CREBBP: variants seen among roughly 807,000 people sequenced by gnomAD.
CREBBP encodes CREB binding lysine acetyltransferase, also known as CREB-binding protein.
A neutral mutation model predicts 265.0 loss-of-function variants in CREBBP; 19 were observed. The observed-to-expected ratio is 0.07, with a 90% CI of 0.05 to 0.11. The LOEUF is 0.11. CREBBP is among the 10% of genes least tolerant of loss of function. The pLI, the probability that CREBBP is intolerant of heterozygous loss-of-function variation, is 1.00. For missense variants in CREBBP, 2,525 were observed against 3,219.0 expected (o/e 0.78, Z 5.22); for synonymous variants, 1,457 against 1,223.7 (o/e 1.19, Z -3.98).
chr16:3,787,070 C>CAAAAAAAAAAAAAAAAA lies in CREBBP; in HGVS notation c.1331-4145_1331-4144insTTTTTTTTTTTTTTTTT, dbSNP rs757962926. On this transcript the variant is annotated intron_variant, in intron 5 of 30. Transcript: ENST00000262367. Reference sequence around the variant, plus strand: ...TGGGCGACAGAGTGAGACTTCGTCTCAAAAAAAAAAAAAAAAGAATTTATT... The same window carrying CAAAAAAAAAAAAAAAAA: ...TGGGCGACAGAGTGAGACTTCGTCTCAAAAAAAAAAAAAAAAAAAAAAAAAAAAAAAAAGAATTTATT... 6.0e-4 allele frequency among the ~76,000 whole-genome samples: 52 copies of CAAAAAAAAAAAAAAAAA among 86,958 alleles called. 1 individual carries two copies. Among genetic ancestry groups the CAAAAAAAAAAAAAAAAA allele is most frequent in the African/African-American group, 1.5e-3 (37 of 23,928 alleles). 57.0% of individuals were successfully genotyped at this position (86,958 alleles called of 152,430 possible).
intron 1 of CREBBP, among the ~76,000 whole-genome samples, chr16:3,867,302 G>A (rs946582862): frequency 6.6e-6 from 1 of 152,160 alleles, no homozygotes; most frequent in African/African-American, 2.4e-5. Context: ...TTAAGCCTAG[G>A]CAACATAGCA....
intron 2 of CREBBP, among the ~76,000 whole-genome samples, chr16:3,833,342 G>A (rs1170120036): frequency 6.6e-6 from 1 of 152,248 alleles, no homozygotes; most frequent in Non-Finnish European, 1.5e-5. Flanking sequence ...AGCCCCAGAG[G>A]TGGAGGTTGC....
At chr16:3,852,056 A>C (rs959474327) in intron 1 of CREBBP, among the ~76,000 whole-genome samples, 4 of 138,942 alleles carry the variant, frequency 2.9e-5, no homozygotes, top group East Asian at 4.0e-4. Context: ...AAAAAAAAAA[A>C]AAAAAAAAAA....
At chr16:3,779,139 C>T (rs537532478) in intron 8 of CREBBP, among the ~76,000 whole-genome samples, 2 of 151,530 alleles carry the variant, frequency 1.3e-5, no homozygotes, top group South Asian at 2.1e-4. Context: ...TGCACTCCAG[C>T]CTGGGCGACA....
chr16:3,787,280 G>A (rs562491266), intron 5 of CREBBP, among the ~76,000 whole-genome samples: 1 of 152,218 alleles, frequency 6.6e-6, no homozygotes, highest in South Asian at 2.1e-4. Context: ...TATCAGGCAC[G>A]GCCACAAGCC....
At position 3,747,789 on chromosome 16, in the gene CREBBP, C is replaced by T. The variant is rs1257019177; in HGVS notation, c.3836+1838G>A. Among the ~76,000 whole-genome samples, 4 of 151,820 alleles carry T rather than the reference C, an allele frequency of 2.6e-5. No homozygotes were observed. In the East Asian group the frequency reaches 7.8e-4, roughly 29 times the overall value. ...CAGCCTGGTCAAGATGGTGAAACCT[C>T]GTCTCTACTAAAAATACAGGCTGGG... On this transcript the variant is annotated intron_variant, in intron 21 of 30. Transcript: ENST00000262367.
intron 2 of CREBBP, among the ~76,000 whole-genome samples, chr16:3,819,437 C>T (rs2054101325): frequency 6.6e-6 from 1 of 152,178 alleles, no homozygotes; most frequent in Non-Finnish European, 1.5e-5. Context: ...TCATTCTACA[C>T]TACATATGAT....
chr16:3,753,479 A>C (rs1056988812), intron 19 of CREBBP, among the ~76,000 whole-genome samples: 7 of 152,256 alleles, frequency 4.6e-5, no homozygotes, highest in Non-Finnish European at 8.8e-5. Context: ...ATTTGGCACT[A>C]ACTCAATTAA....
rs147426402 is a variant in CREBBP at position 3,795,578 on chromosome 16, T to C, written c.976-1952A>G. On this transcript the variant is annotated intron_variant, in intron 3 of 30. Coordinates refer to ENST00000262367, the MANE Select transcript of CREBBP (RefSeq NM_004380.3). ...TTTAACTTTATACTCATTTAACTAG[T>C]TCTTGTTATGGGGCATAAACTGGAA... Among the ~76,000 whole-genome samples, 231 of 152,300 alleles carry C rather than the reference T, an allele frequency of 1.5e-3. 1 individual carries two copies. Among genetic ancestry groups the C allele is most frequent in the African/African-American group, 5.4e-3 (226 of 41,556 alleles).
At chr16:3,751,545 T>C (rs578186352) in intron 20 of CREBBP, among the ~76,000 whole-genome samples, 181 bp downstream of exon 20, 18 of 152,188 alleles carry the variant, frequency 1.2e-4, no homozygotes, top group Non-Finnish European at 1.8e-4. Flanking sequence ...TGAGTCGAGA[T>C]AGTGCCACTG....
chr16:3,862,430 G>C (rs1401142838), intron 1 of CREBBP, among the ~76,000 whole-genome samples: 1 of 152,142 alleles, frequency 6.6e-6, no homozygotes, highest in African/African-American at 2.4e-5. Flanking sequence ...GCCCAGGCTG[G>C]AGTGCAGTGA....
At chr16:3,841,486 A>G (rs2054566180) in intron 2 of CREBBP, among the ~76,000 whole-genome samples, 1 of 152,088 alleles carries the variant, frequency 6.6e-6, no homozygotes, top group Admixed American at 6.6e-5. Flanking sequence ...AAAAAAATCA[A>G]AAAAATTAGC....
chr16:3,855,762 C>T (rs2054948363), intron 1 of CREBBP, among the ~76,000 whole-genome samples: 1 of 152,178 alleles, frequency 6.6e-6, no homozygotes, highest in Non-Finnish European at 1.5e-5. Context: ...GGTTCCAATC[C>T]ATAGTTTTTA....
rs768232855 is a variant in CREBBP at position 3,769,226 on chromosome 16, G to C, written c.3008C>G (p.Ala1003Gly). 12 of 1,614,016 alleles carry C rather than the reference G, an allele frequency of 7.4e-6. No homozygotes were observed. In the Admixed American group the frequency reaches 1.8e-4, roughly 25 times the overall value. ...ACCAGGATCGGGCTCAGTGTCCTCT[G>C]CTTGGGTCTCCGTCTTCATTTCCAG... ...PVLEMKTETQ[A>G]EDTEPDPGES... Residue 1003 changes from alanine (A) to glycine (G), a missense_variant, in exon 15 of 31, where the codon GCA (alanine) becomes GGA (glycine). Physicochemically the swap from Ala to Gly is moderately conservative, Grantham distance 60 (BLOSUM62 0). Around this residue, in one of 19 missense-constraint regions of CREBBP, gnomAD observed 548 missense variants for 533.0 expected, o/e 1.03. Coordinates refer to ENST00000262367, the MANE Select transcript of CREBBP (RefSeq NM_004380.3).
intron 8 of CREBBP, among the ~76,000 whole-genome samples, chr16:3,779,174 G>GAAA (rs776005629): frequency 1.3e-4 from 18 of 135,280 alleles, no homozygotes; most frequent in Middle Eastern, 3.4e-3. Flanking sequence ...ACCAAAAAAA[G>GAAA]AAGAAAAAAA....
At chr16:3,831,094 T>C (rs968568912) in intron 2 of CREBBP, among the ~76,000 whole-genome samples, 8 of 152,184 alleles carry the variant, frequency 5.3e-5, no homozygotes, top group African/African-American at 1.7e-4. Flanking sequence ...TTTTCAAGTA[T>C]AGATAGAATA....
rs560604046 is a variant in CREBBP, at chr16:3,769,140, C to T, written c.3060+34G>A. On this transcript the variant is annotated intron_variant, in intron 15 of 30. Coordinates refer to ENST00000262367, the MANE Select transcript of CREBBP (RefSeq NM_004380.3). ...AGGACACCTGGGTAAAGTTGCGATA[C>T]GCAGTCAATGCATTCCTAGGGAGCG... The T allele has an allele frequency of 1.1e-5, 17 of 1,612,798 alleles. No individual in the cohort carries two copies. In the African/African-American group the frequency reaches 1.1e-4, roughly 10 times the overall value.
In CREBBP at chr16:3,728,399, TTGCTGCTGC is replaced by T; in HGVS notation, c.6639_6647del (p.Gln2214_Gln2216del). The T allele has an allele frequency of 6.2e-7, 1 of 1,613,390 alleles. No individual in the cohort carries two copies. ...TGCCCCCAGCCATGCCGGCACTCCCTTGCTGCTGCTGCTGTTGCTGCTGTTGTTGCTGCT... is the reference window on the plus strand; with the variant it reads ...TGCCCCCAGCCATGCCGGCACTCCCTTGCTGTTGCTGCTGTTGTTGCTGCT... On this transcript the variant is annotated inframe_deletion, in exon 31 of 31. Transcript: ENST00000262367. The surrounding 1 kb of genome is among the most constrained non-coding windows in gnomAD (Gnocchi z 8.7).
chr16:3,748,765 C>G (rs541406812), intron 21 of CREBBP, among the ~76,000 whole-genome samples: 6 of 152,264 alleles, frequency 3.9e-5, no homozygotes, highest in African/African-American at 1.4e-4. Context: ...GAAGAGGCTA[C>G]CACACTGAAA....
Sources: allele counts gnomAD v4.1 joint callset (sites outside exome capture counted in the v4.1 genomes callset), GRCh38; gene constraint gnomAD v4.1.1; regional missense constraint gnomAD v4.1.1; non-coding constraint Gnocchi (gnomAD v3.1); transcripts MANE v1.5; gene names NCBI Gene and HGNC (gene_info 2026-07-23, HGNC 2026-07-21).